NRG3: variants seen among roughly 807,000 people sequenced by gnomAD.
The protein encoded by NRG3 is neuregulin 3, also known as pro-neuregulin-3, membrane-bound isoform.
A neutral mutation model predicts 66.9 loss-of-function variants in NRG3; 31 were observed. That is an observed-to-expected ratio of 0.46 (90% CI 0.35 to 0.63). The LOEUF is 0.63. Among genes scored for constraint, NRG3 ranks in the 20% least tolerant of loss-of-function variants. The pLI, the probability that NRG3 is intolerant of heterozygous loss-of-function variation, is 0.00. For synonymous variants in NRG3, 393 were observed against 359.4 expected (o/e 1.09, Z -1.06); for missense variants, 910 against 878.9 (o/e 1.04, Z -0.45).
At chr10:82,073,965 G>A (rs940167579) in intron 1 of NRG3, among the ~76,000 whole-genome samples, 2 of 151,970 alleles carry the variant, frequency 1.3e-5, no homozygotes, top group East Asian at 3.9e-4. Flanking sequence ...AATACCAGTG[G>A]CAAAACCAGA....
At chr10:81,909,954 G>T (rs1844964460) in intron 1 of NRG3, among the ~76,000 whole-genome samples, 1 of 152,104 alleles carries the variant, frequency 6.6e-6, no homozygotes, top group African/African-American at 2.4e-5. Context: ...GCCTGAAATT[G>T]TATCTGTTTT....
At chr10:82,383,651 A>C (rs555118417) in intron 2 of NRG3, among the ~76,000 whole-genome samples, 1 of 152,146 alleles carries the variant, frequency 6.6e-6, no homozygotes, top group African/African-American at 2.4e-5. Context: ...TAAAGAGATT[A>C]AAAATATAAA....
rs759140331 is a variant in NRG3, at chr10:82,985,554, G to T, written c.2040G>T (p.Ala680=). ...CCACAGCCAAATCAGAACGAGAGGC[G>T]CAATTTGTCTTAAGAAATGAAATAC... The part of the protein sequence containing the change: ...LSPTAKSERE[A]QFVLRNEIQR... The change falls in exon 9 of 9, where the codon GCG becomes GCT. Residue 680 remains alanine (A), a synonymous_variant. Transcript: ENST00000372141. The T allele has an allele frequency of 6.2e-7, 1 of 1,613,748 alleles. No individual in the cohort carries two copies. The highest frequency in any genetic ancestry group is 8.5e-7 in the Non-Finnish European group (1 of 1,179,980).
chr10:82,808,478 T>C lies in NRG3; in HGVS notation c.1028-56933T>C, dbSNP rs149376591. On this transcript the variant is annotated intron_variant, in intron 3 of 8. Coordinates refer to ENST00000372141, the MANE Select transcript of NRG3 (RefSeq NM_001010848.4). ...GACATTATGTAATTAAACACACACA[T>C]TTTTCTTTTAATTTTGAGATATTTT... Among the ~76,000 whole-genome samples, 673 of 152,276 alleles carry C rather than the reference T, an allele frequency of 4.4e-3. 8 individuals carry two copies. Among genetic ancestry groups the C allele is most frequent in the African/African-American group, 0.015 (644 of 41,576 alleles).
At chr10:82,318,812 A>T (rs1458461837) in intron 1 of NRG3, among the ~76,000 whole-genome samples, 3 of 152,232 alleles carry the variant, frequency 2.0e-5, no homozygotes, top group Admixed American at 2.0e-4. Context: ...CTTGAAAGCA[A>T]GGGCAATATC....
chr10:82,326,722 A>G (rs1245944750), intron 1 of NRG3, among the ~76,000 whole-genome samples: 4 of 151,996 alleles, frequency 2.6e-5, no homozygotes, highest in African/African-American at 9.7e-5. Context: ...TTCATCTCTC[A>G]TTTGTTTTCC....
chr10:82,131,330 G>A (rs1214338321), intron 1 of NRG3, among the ~76,000 whole-genome samples: 1 of 152,090 alleles, frequency 6.6e-6, no homozygotes, highest in African/African-American at 2.4e-5. Flanking sequence ...TAGCTTGTTT[G>A]TTGAAAATTA....
At chr10:82,429,799 G>C (rs1590098041) in intron 2 of NRG3, among the ~76,000 whole-genome samples, 1 of 152,014 alleles carries the variant, frequency 6.6e-6, no homozygotes, top group Admixed American at 6.5e-5. Context: ...CTGAGTTTCT[G>C]TTCATTTTTC....
chr10:82,734,358 A>T (rs972116059), intron 2 of NRG3, among the ~76,000 whole-genome samples: 2 of 152,148 alleles, frequency 1.3e-5, no homozygotes, highest in Non-Finnish European at 2.9e-5. Context: ...CTACCTTTGA[A>T]ACTACAAAAC....
rs188529655 is a variant in NRG3 at position 81,917,718 on chromosome 10, C to G, written c.823+41555C>G. On this transcript the variant is annotated intron_variant, in intron 1 of 8. Transcript: ENST00000372141. Reference sequence around the variant, plus strand: ...TGGTTTATCATCCAGCACATAGATACAGTTTGTCTTTCACTTCACAAAGCT... The same window carrying G: ...TGGTTTATCATCCAGCACATAGATAGAGTTTGTCTTTCACTTCACAAAGCT... Among the ~76,000 whole-genome samples the G allele has an allele frequency of 1.2e-3, 178 of 152,300 alleles. 1 individual carries two copies. The highest frequency in any genetic ancestry group is 0.01 in the Middle Eastern group (3 of 294).
At chr10:82,259,737 G>C (rs1307159870) in intron 1 of NRG3, among the ~76,000 whole-genome samples, 1 of 152,076 alleles carries the variant, frequency 6.6e-6, no homozygotes, top group African/African-American at 2.4e-5. Flanking sequence ...AGACCAGCCT[G>C]AGCTACATAG....
chr10:82,148,404 C>T (rs2132732233), intron 1 of NRG3, among the ~76,000 whole-genome samples: 1 of 152,284 alleles, frequency 6.6e-6, no homozygotes, highest in African/African-American at 2.4e-5. Flanking sequence ...TTGATACTCT[C>T]AACCACAGAG....
rs7901825 is a variant in NRG3 at position 81,920,024 on chromosome 10, G to A, written c.823+43861G>A. Among the ~76,000 whole-genome samples the A allele has an allele frequency of 2.2e-3, 334 of 152,274 alleles. 1 individual carries two copies. Among genetic ancestry groups the A allele is most frequent in the African/African-American group, 7.6e-3 (316 of 41,544 alleles). On this transcript the variant is annotated intron_variant, in intron 1 of 8. Transcript: ENST00000372141. ...AACAATAAAAATAACTTTATAAGACGTGCCTCAAGGCAGAATGAATATCAA... is the reference window on the plus strand; with the variant it reads ...AACAATAAAAATAACTTTATAAGACATGCCTCAAGGCAGAATGAATATCAA...
chr10:82,451,485 G>A (rs78366305), intron 2 of NRG3, among the ~76,000 whole-genome samples: 3,481 of 152,176 alleles, frequency 0.023, 101 homozygotes, highest in African/African-American at 0.072. Flanking sequence ...TCTGATAAAT[G>A]CAAGAAATTT....
At chr10:82,981,067 T>G (rs1852834596) in intron 8 of NRG3, among the ~76,000 whole-genome samples, 1 of 152,204 alleles carries the variant, frequency 6.6e-6, no homozygotes, top group Admixed American at 6.5e-5. Context: ...TTTTTTCTAT[T>G]GGGCACTGTT....
At chr10:81,884,034 G>A (rs572249813) in intron 1 of NRG3, among the ~76,000 whole-genome samples, 1 of 152,320 alleles carries the variant, frequency 6.6e-6, no homozygotes, top group Admixed American at 6.5e-5. Context: ...TAGGCCTGCA[G>A]CCTAGGTTTG....
intron 6 of NRG3, among the ~76,000 whole-genome samples, chr10:82,965,685 G>C (rs764119038): frequency 7.2e-5 from 11 of 152,038 alleles, no homozygotes; most frequent in Non-Finnish European, 1.3e-4. Flanking sequence ...GCAGTGAGCC[G>C]AGATCAAGAC....
chr10:82,334,691 T>C (rs1222519204), intron 1 of NRG3, among the ~76,000 whole-genome samples: 1 of 152,230 alleles, frequency 6.6e-6, no homozygotes, highest in Non-Finnish European at 1.5e-5. Context: ...CAAATATCAC[T>C]GATAGGTGAG....
chr10:82,328,287 G>A (rs2081972178), intron 1 of NRG3, among the ~76,000 whole-genome samples: 1 of 152,196 alleles, frequency 6.6e-6, no homozygotes, highest in Admixed American at 6.5e-5. Flanking sequence ...TGTTATGTGT[G>A]TGTCTTCAAA....
Sources: allele counts gnomAD v4.1 joint callset (sites outside exome capture counted in the v4.1 genomes callset), GRCh38; gene constraint gnomAD v4.1.1; transcripts MANE v1.5; gene names NCBI Gene and HGNC (gene_info 2026-07-23, HGNC 2026-07-21).